Variants in TMEFF2 observed in about 807,000 individuals in gnomAD.
TMEFF2 encodes the protein transmembrane protein with EGF like and two follistatin like domains 2.
Under a neutral mutation model 53.8 loss-of-function variants are expected in TMEFF2, and 28 were observed. The ratio of observed to expected loss-of-function variants is 0.52; its 90% confidence interval spans 0.39 to 0.71. The LOEUF is 0.71. Among genes scored for constraint, TMEFF2 ranks in the 30% least tolerant of loss-of-function variants. TMEFF2 has a pLI of 0.00. For missense variants in TMEFF2, 353 were observed against 455.2 expected, an observed-to-expected ratio of 0.78 and a Z score of 2.04; for synonymous variants, 162 against 166.3, an observed-to-expected ratio of 0.97 and a Z score of 0.20.
At chr2:191,965,554 A>G (rs1293239002) in intron 7 of TMEFF2, among the ~76,000 whole-genome samples, 2 of 152,154 alleles carry the variant, frequency 1.3e-5, no homozygotes, top group African/African-American at 4.8e-5. Flanking sequence ...AATAATTCTC[A>G]AGTTATTCCT....
intron 5 of TMEFF2, among the ~76,000 whole-genome samples, chr2:192,037,434 G>T (rs1687346954): frequency 6.6e-6 from 1 of 151,492 alleles, no homozygotes; most frequent in South Asian, 2.1e-4. Flanking sequence ...CTTAGAAATA[G>T]AAGGAATTTC....
chr2:192,028,655 G>A (rs1687037318), intron 5 of TMEFF2: 1 of 152,028 alleles, frequency 6.6e-6, no homozygotes, highest in South Asian at 2.1e-4. Context: ...GGCAGAGTTG[G>A]TAGAATGCGT....
chr2:192,182,580 T>A (rs1691212623), intron 3 of TMEFF2, among the ~76,000 whole-genome samples: 1 of 151,962 alleles, frequency 6.6e-6, no homozygotes, highest in Admixed American at 6.6e-5. Context: ...AGAATGTGAT[T>A]ATATGCGCTG....
intron 4 of TMEFF2, among the ~76,000 whole-genome samples, chr2:192,092,054 TTAAC>T (rs772001503): frequency 1.4e-4 from 22 of 152,086 alleles, no homozygotes; most frequent in African/African-American, 4.3e-4. Flanking sequence ...ATTTGAACCC[TTAAC>T]TAACAGCTCT....
rs1559122075 is a variant in TMEFF2 at position 192,090,979 on chromosome 2, T to TGC, written c.440-33206_440-33205dup. On this transcript the variant is annotated intron_variant, in intron 4 of 9. Transcript: ENST00000272771. The stretch of plus-strand genomic sequence containing the variant: ...TCACTAGGCATGCCACGAACTCTAA[T>TGC]GCTCCACTGATGTGTTGAAAATATT... 3.9e-5 allele frequency among the ~76,000 whole-genome samples: 6 copies of TGC among 152,280 alleles called. No individual in the cohort carries two copies. In the South Asian group the frequency reaches 1.2e-3, roughly 32 times the overall value.
rs375314987 is a variant in TMEFF2 at position 191,998,152 on chromosome 2, CAT to C, written c.745+108_745+109del. 1.4e-4 allele frequency: 113 copies of C among 820,434 alleles called. 3 individuals are homozygous for C. The African/African-American group carries it at 1.4e-3, about 10-fold the overall frequency. 50.8% of individuals were successfully genotyped at this position (820,434 alleles called of 1,614,324 possible). A position where few individuals can be genotyped will look rare whatever the true frequency, so the allele number is the denominator to read the frequency against. The stretch of plus-strand genomic sequence containing the variant: ...TGAACTAAGCAAGAGAAGGCTAGCA[CAT>C]GTTAGAAGTCTTGCAAGCTTCACTT... On this transcript the variant is annotated intron_variant, in intron 7 of 9. Transcript: ENST00000272771.
intron 4 of TMEFF2, among the ~76,000 whole-genome samples, chr2:192,165,483 A>G (rs1474619108): frequency 6.6e-6 from 1 of 152,192 alleles, no homozygotes; most frequent in South Asian, 2.1e-4. Flanking sequence ...CTAGAGTGTT[A>G]TACTGGGCTT....
In TMEFF2 at chr2:192,114,064, TTGTGTGTGTGTGTGTGTGTGTGTGTG is replaced by T. The variant is rs34553641; in HGVS notation, c.440-56315_440-56290del. 3.4e-3 allele frequency among the ~76,000 whole-genome samples: 481 copies of T among 143,166 alleles called. 1 individual carries two copies. The highest frequency in any genetic ancestry group is 0.012 in the African/African-American group (468 of 39,022). The allele number at this position is 143,166 out of a possible 152,430, so 93.9% of individuals were successfully genotyped here. ...AACAATATTGAATAAAATCTGGAAA[TTGTGTGTGTGTGTGTGTGTGTGTGTG>T]TGTGTGTGTGTGTGTGTGATAGCCC... On this transcript the variant is annotated intron_variant, in intron 4 of 9. Coordinates refer to ENST00000272771, the MANE Select transcript of TMEFF2 (RefSeq NM_016192.4).
chr2:192,037,273 TAAAGAAAGAAAGAAAG>T lies in TMEFF2; in HGVS notation c.536+20390_536+20405del, dbSNP rs58233148. On this transcript the variant is annotated intron_variant, in intron 5 of 9. Transcript: ENST00000272771. Reference sequence around the variant, plus strand: ...AATGCACTTCTAAGACTAGCCAAAATAAAGAAAGAAAGAAAGAAAGAAAGAAAGAAAGAAAGAAAGA... The same window carrying T: ...AATGCACTTCTAAGACTAGCCAAAATAAAGAAAGAAAGAAAGAAAGAAAGA... 6.3e-3 allele frequency among the ~76,000 whole-genome samples: 594 copies of T among 94,764 alleles called. 11 individuals carry two copies. The highest frequency in any genetic ancestry group is 0.022 in the African/African-American group (510 of 23,332). 62.2% of individuals were successfully genotyped at this position (94,764 alleles called of 152,430 possible).
intron 4 of TMEFF2, among the ~76,000 whole-genome samples, chr2:192,133,365 C>A (rs1312638924): frequency 6.6e-6 from 1 of 152,110 alleles, no homozygotes. Context: ...CTTACCATCT[C>A]ATTAAAACCT....
chr2:191,959,958 C>T (rs1692225220), intron 7 of TMEFF2, among the ~76,000 whole-genome samples: 1 of 152,244 alleles, frequency 6.6e-6, no homozygotes, highest in South Asian at 2.1e-4. Flanking sequence ...CTCACTACCA[C>T]CTCCACCTCC....
chr2:191,998,747 G>A (rs114339511), intron 6 of TMEFF2, among the ~76,000 whole-genome samples: 1,593 of 151,968 alleles, frequency 0.01, 31 homozygotes, highest in African/African-American at 0.037. Flanking sequence ...TCTTAGATTC[G>A]TTTTAAAAAT....
chr2:192,186,585 T>C (rs890351325), intron 2 of TMEFF2, among the ~76,000 whole-genome samples: 2 of 152,114 alleles, frequency 1.3e-5, no homozygotes, highest in African/African-American at 4.8e-5. Context: ...TAATGATCGA[T>C]AGACTTGCCG....
rs751697749 is a variant in TMEFF2, at chr2:191,959,869, C to G, written c.746-3491G>C. 3.9e-5 allele frequency among the ~76,000 whole-genome samples: 6 copies of G among 152,066 alleles called. No homozygotes were observed. The South Asian group carries it at 6.2e-4, about 16-fold the overall frequency. On this transcript the variant is annotated intron_variant, in intron 7 of 9. Transcript: ENST00000272771. Reference sequence around the variant, plus strand: ...GTTGTATTATCTATCCAAGTGCTCTCCAAGCTGGTGTGTCTTTGTTTTTTA... The same window carrying G: ...GTTGTATTATCTATCCAAGTGCTCTGCAAGCTGGTGTGTCTTTGTTTTTTA...
rs192720134 is a variant in TMEFF2, at chr2:192,009,725, A to G, written c.537-10517T>C. On this transcript the variant is annotated intron_variant, in intron 5 of 9. Transcript: ENST00000272771. ...AGTACTGTACTTGAAACCTGGAAAG[A>G]GAAGACGGGAAATATGATTAAGGTA... is the stretch of plus-strand genomic sequence containing the variant. 3.1e-3 allele frequency among the ~76,000 whole-genome samples: 479 copies of G among 152,298 alleles called. 1 individual carries two copies. Among genetic ancestry groups the G allele is most frequent in the African/African-American group, 0.011 (463 of 41,584 alleles).
chr2:191,956,410 G>A (rs776097390), intron 7 of TMEFF2, 32 bp from the exon 8 acceptor site: 1 of 1,603,580 alleles, frequency 6.2e-7, no homozygotes, highest in Non-Finnish European at 8.5e-7. Flanking sequence ...AGCACCCCCT[G>A]TAAATACTTA....
chr2:192,026,085 C>T (rs1298235253), intron 5 of TMEFF2, among the ~76,000 whole-genome samples: 1 of 152,172 alleles, frequency 6.6e-6, no homozygotes, highest in Admixed American at 6.5e-5. Flanking sequence ...GTGCGCCCCT[C>T]CCCACCCTAA....
intron 2 of TMEFF2, among the ~76,000 whole-genome samples, chr2:192,190,921 A>C (rs913598360): frequency 6.6e-6 from 1 of 151,998 alleles, no homozygotes; most frequent in Non-Finnish European, 1.5e-5. Context: ...AAAAGTTTTC[A>C]TTATCTCACA....
At chr2:192,180,395 TTTCTGGGAAGGTAG>T (rs1691156099) in intron 3 of TMEFF2, among the ~76,000 whole-genome samples, 1 of 151,700 alleles carries the variant, frequency 6.6e-6, no homozygotes, top group African/African-American at 2.4e-5. Flanking sequence ...AAGTTGTCTA[TTTCTGGGAAGGTAG>T]TTCCCAGAAA....
Sources: allele counts gnomAD v4.1 joint callset (sites outside exome capture counted in the v4.1 genomes callset), GRCh38; gene constraint gnomAD v4.1.1; transcripts MANE v1.5; gene names NCBI Gene and HGNC (gene_info 2026-07-23, HGNC 2026-07-21).